Variants in RABL3 observed in about 807,000 individuals in gnomAD.
The protein encoded by RABL3 is rab-like protein 3.
In RABL3, 31 loss-of-function variants were observed where a neutral mutation model predicts 31.8. The ratio of observed to expected loss-of-function variants is 0.97; its 90% CI spans 0.73 to 1.31. RABL3 has a LOEUF of 1.31. Ranked by LOEUF, RABL3 falls within the 40% of genes most tolerant of loss-of-function variation. The pLI is 0.00. For missense variants in RABL3, 263 were observed against 279.6 expected, an observed-to-expected ratio of 0.94 and a Z score of 0.42; for synonymous variants, 97 against 99.9, an observed-to-expected ratio of 0.97 and a Z score of 0.18.
intron 2 of RABL3, among the ~76,000 whole-genome samples, chr3:120,719,021 G>A (rs918466875): frequency 4.6e-5 from 7 of 152,012 alleles, no homozygotes; most frequent in Non-Finnish European, 8.8e-5. Context: ...ACTTACTGTT[G>A]GAGATTATAA....
chr3:120,708,906 G>C (rs1193767749), intron 3 of RABL3, among the ~76,000 whole-genome samples: 4 of 151,906 alleles, frequency 2.6e-5, no homozygotes, highest in Middle Eastern at 3.4e-3. Context: ...TCTTTTTGTA[G>C]AGTCTACAAC....
At chr3:120,718,913 G>A (rs533769744) in intron 2 of RABL3, among the ~76,000 whole-genome samples, 67 of 152,316 alleles carry the variant, frequency 4.4e-4, no homozygotes, top group African/African-American at 1.6e-3. Flanking sequence ...CCTTTAGGAA[G>A]TTCAAACAAT....
At chr3:120,717,346 T>G (rs1708683486) in intron 2 of RABL3, among the ~76,000 whole-genome samples, 1 of 151,980 alleles carries the variant, frequency 6.6e-6, no homozygotes, top group African/African-American at 2.4e-5. Flanking sequence ...AGCAAATCAT[T>G]TTCAGCCCAT....
intron 1 of RABL3, among the ~76,000 whole-genome samples, chr3:120,732,606 C>T (rs564133667): frequency 1.3e-5 from 2 of 151,968 alleles, no homozygotes; most frequent in South Asian, 4.2e-4. Flanking sequence ...GGTACATGTG[C>T]ACAATGTGCA....
At position 120,688,036 on chromosome 3, in the gene RABL3, A is replaced by G. The variant is rs532281635; in HGVS notation, c.*1787T>C. ...GGTCTCAAACTCCTGATATCAAGTGATCGACCCGCCTCCCAAAGTGTTGGG... is the reference window on the plus strand; with the variant it reads ...GGTCTCAAACTCCTGATATCAAGTGGTCGACCCGCCTCCCAAAGTGTTGGG... On this transcript the variant is annotated 3_prime_UTR_variant, in exon 8 of 8. Coordinates refer to ENST00000273375, the MANE Select transcript of RABL3 (RefSeq NM_173825.5). 1 of 152,174 alleles carries G rather than the reference A, an allele frequency of 6.6e-6. No homozygotes were observed. The highest frequency in any genetic ancestry group is 1.9e-4 in the East Asian group (1 of 5,186). 9.4% of individuals were successfully genotyped at this position (152,174 alleles called of 1,614,324 possible).
chr3:120,734,060 T>C (rs1484582221), intron 1 of RABL3, among the ~76,000 whole-genome samples: 1 of 151,570 alleles, frequency 6.6e-6, no homozygotes, highest in African/African-American at 2.4e-5. Flanking sequence ...ACGTGAACTT[T>C]AGTTTTTTCC....
At chr3:120,696,838 A>C (rs1050571128) in intron 5 of RABL3, among the ~76,000 whole-genome samples, 2 of 152,186 alleles carry the variant, frequency 1.3e-5, no homozygotes, top group Non-Finnish European at 2.9e-5. Context: ...AGTGCTGACT[A>C]CCTGGGGTAT....
At chr3:120,712,040 C>A (rs1428196769) in intron 2 of RABL3, among the ~76,000 whole-genome samples, 1 of 152,052 alleles carries the variant, frequency 6.6e-6, no homozygotes, top group Non-Finnish European at 1.5e-5. Flanking sequence ...ATTAAAAAAA[C>A]AAGATAGCTC....
intron 2 of RABL3, among the ~76,000 whole-genome samples, chr3:120,714,087 G>C (rs549620840): frequency 6.6e-6 from 1 of 152,296 alleles, no homozygotes; most frequent in Admixed American, 6.5e-5. Context: ...TGGGATTACA[G>C]GCGTAAGCCA....
At chr3:120,695,513 G>A (rs1708427166) in intron 5 of RABL3, among the ~76,000 whole-genome samples, 1 of 151,996 alleles carries the variant, frequency 6.6e-6, no homozygotes, top group Non-Finnish European at 1.5e-5. Flanking sequence ...ATCCATACCT[G>A]GACATACTGG....
Position 120,689,059 on chromosome 3 carries a change from CCCTA to C in RABL3, c.*760_*763del, listed in dbSNP as rs772376751. 2 of 152,216 alleles carry C rather than the reference CCCTA, an allele frequency of 1.3e-5. No individual in the cohort carries two copies. The highest frequency in any genetic ancestry group is 1.9e-4 in the East Asian group (1 of 5,178). The allele number at this position is 152,216 out of a possible 1,614,324, so 9.4% of individuals were successfully genotyped here. On this transcript the variant is annotated 3_prime_UTR_variant, in exon 8 of 8. Transcript: ENST00000273375. ...GCCCTTGTGCAGGTCTTAGATTTTA[CCCTA>C]CCTATTTCCAAACAGAAAACCTAGA...
At chr3:120,713,231 C>T (rs1450319673) in intron 2 of RABL3, among the ~76,000 whole-genome samples, 1 of 152,218 alleles carries the variant, frequency 6.6e-6, no homozygotes, top group Non-Finnish European at 1.5e-5. Context: ...CTAAACTCTT[C>T]TCTACCACAA....
chr3:120,739,682 AT>A (rs1709018955), intron 1 of RABL3, among the ~76,000 whole-genome samples: 1 of 152,140 alleles, frequency 6.6e-6, no homozygotes, highest in African/African-American at 2.4e-5. Context: ...AATACTCAAA[AT>A]TATATTTGTC....
intron 5 of RABL3, among the ~76,000 whole-genome samples, chr3:120,695,302 C>T (rs2107575661): frequency 6.6e-6 from 1 of 152,094 alleles, no homozygotes; most frequent in South Asian, 2.1e-4. Context: ...AGAGAGGCTA[C>T]AACAAAGTTG....
chr3:120,733,506 G>C (rs1347102123), intron 1 of RABL3, among the ~76,000 whole-genome samples: 1 of 152,108 alleles, frequency 6.6e-6, no homozygotes, highest in African/African-American at 2.4e-5. Context: ...CCATTCTGTA[G>C]GTTGCCTGTT....
chr3:120,710,092 A>G (rs1290513337), intron 2 of RABL3, among the ~76,000 whole-genome samples, 183 bp from the exon 3 acceptor site: 2 of 152,014 alleles, frequency 1.3e-5, no homozygotes, highest in African/African-American at 4.8e-5. Context: ...TAGTTAATTA[A>G]TCTTAACATC....
chr3:120,731,136 C>T (rs1559822823), intron 1 of RABL3, among the ~76,000 whole-genome samples: 1 of 152,160 alleles, frequency 6.6e-6, no homozygotes, highest in African/African-American at 2.4e-5. Flanking sequence ...TGGTCCAGGT[C>T]AATTTCATAT....
At chr3:120,728,933 A>C (rs1040381180) in intron 2 of RABL3, among the ~76,000 whole-genome samples, 10 of 152,184 alleles carry the variant, frequency 6.6e-5, no homozygotes, top group African/African-American at 1.9e-4. Flanking sequence ...ATAGATTCAG[A>C]TATAGCTTCA....
At chr3:120,735,303 T>G (rs1013968738) in intron 1 of RABL3, among the ~76,000 whole-genome samples, 7 of 152,238 alleles carry the variant, frequency 4.6e-5, no homozygotes, top group African/African-American at 1.7e-4. Context: ...ATTTATCCAT[T>G]TCTTCTAGAT....
Sources: gnomAD v4.1 joint callset for allele counts (sites outside exome capture counted in the v4.1 genomes callset) on GRCh38, gnomAD v4.1.1 for gene constraint, MANE v1.5 for transcripts, NCBI Gene and HGNC (gene_info 2026-07-23, HGNC 2026-07-21) for gene names.